CYREN: variants seen among roughly 807,000 people sequenced by gnomAD.
CYREN encodes the protein cell cycle regulator of NHEJ.
A neutral mutation model predicts 9.7 loss-of-function variants in CYREN; 7 were observed. That is an observed-to-expected ratio of 0.72 (90% CI 0.41 to 1.36). The LOEUF is 1.36. CYREN is among the 40% of genes most tolerant of loss of function. The pLI is 0.01. For synonymous variants in CYREN, 76 were observed against 77.9 expected, an observed-to-expected ratio of 0.98 and a Z score of 0.13; for missense variants, 215 against 198.1, an observed-to-expected ratio of 1.09 and a Z score of -0.51.
chr7:135,145,886 A>G (rs1829536978), intron 2 of CYREN, among the ~76,000 whole-genome samples: 1 of 152,178 alleles, frequency 6.6e-6, no homozygotes, highest in South Asian at 2.1e-4. Context: ...TAGCCTATTT[A>G]GTGTGTGATA....
At chr7:135,146,460 A>G (rs1829549767) in intron 2 of CYREN, among the ~76,000 whole-genome samples, 1 of 152,238 alleles carries the variant, frequency 6.6e-6, no homozygotes, top group South Asian at 2.1e-4. Context: ...AAATGGTGCC[A>G]ATAGACTTGC....
intron 2 of CYREN, chr7:135,135,365 C>T: frequency 2.8e-6 from 3 of 1,063,270 alleles, no homozygotes; most frequent in Non-Finnish European, 3.8e-6. Flanking sequence ...CCCTATCTCT[C>T]CCCTTACACA....
intron 2 of CYREN, among the ~76,000 whole-genome samples, chr7:135,148,770 A>G (rs189272832): frequency 5.3e-5 from 8 of 152,348 alleles, no homozygotes; most frequent in African/African-American, 1.9e-4. Context: ...TCTTGCCTCA[A>G]AGAATGGGAC....
exon 3 of CYREN, chr7:135,092,712 CA>C (rs1180847978): frequency 6.6e-6 from 1 of 151,982 alleles, no homozygotes; most frequent in Admixed American, 6.6e-5. Context: ...GTTAAGATTT[CA>C]GGGGCCAAAT....
intron 2 of CYREN, among the ~76,000 whole-genome samples, chr7:135,113,821 C>T (rs150741098): frequency 6.6e-6 from 1 of 152,194 alleles, no homozygotes; most frequent in African/African-American, 2.4e-5. Context: ...CTCCCTCCCC[C>T]CAGCACCTGG....
chr7:135,147,596 G>A (rs1308159305), intron 2 of CYREN, among the ~76,000 whole-genome samples: 1 of 152,192 alleles, frequency 6.6e-6, no homozygotes, highest in Admixed American at 6.5e-5. Context: ...ACTGCAGTGA[G>A]AATGCTCAGG....
chr7:135,169,334 G>A lies in CYREN; in HGVS notation c.-138-274C>T, dbSNP rs757333263. 8.5e-4 allele frequency: 132 copies of A among 155,342 alleles called. 1 individual carries two copies. Among genetic ancestry groups the A allele is most frequent in the Non-Finnish European group, 1.6e-3 (113 of 70,056 alleles). 9.6% of individuals were successfully genotyped at this position (155,342 alleles called of 1,614,324 possible). On this transcript the variant is annotated intron_variant, in intron 1 of 3. Coordinates refer to ENST00000393114, the MANE Select transcript of CYREN (RefSeq NM_024033.4). ...CTGACTCAGCACAGGAGGAACGGAA[G>A]GAGGCGGAGGCCCCTAATGTTCCTT...
chr7:135,110,905 G>A (rs919196304), intron 2 of CYREN, among the ~76,000 whole-genome samples: 1 of 152,104 alleles, frequency 6.6e-6, no homozygotes, highest in African/African-American at 2.4e-5. Flanking sequence ...CCCTATCTTA[G>A]ATTACAGAGC....
At chr7:135,133,914 A>G (rs371120010) in intron 2 of CYREN, among the ~76,000 whole-genome samples, 1 of 152,168 alleles carries the variant, frequency 6.6e-6, no homozygotes, top group South Asian at 2.1e-4. Context: ...CTGCTGATGC[A>G]CAAAACAACA....
At chr7:135,093,530 T>C (rs978140691) in exon 3 of CYREN, 3 of 151,948 alleles carry the variant, frequency 2.0e-5, no homozygotes, top group Admixed American at 2.0e-4. Flanking sequence ...AAGAACAAAA[T>C]ACTTAGGAAT....
At chr7:135,106,923 C>A (rs1824815873) in intron 2 of CYREN, among the ~76,000 whole-genome samples, 1 of 152,122 alleles carries the variant, frequency 6.6e-6, no homozygotes. Flanking sequence ...GAATCGATTT[C>A]TTCCTGGTTC....
intron 2 of CYREN, chr7:135,168,541 T>C (rs1048167609): frequency 5.7e-6 from 3 of 523,764 alleles, no homozygotes; most frequent in Middle Eastern, 4.9e-4. Flanking sequence ...GAGAACCCAC[T>C]CTGTGTGTGC....
chr7:135,096,623 A>AGATAGATAGATG (rs1563260394), intron 2 of CYREN, among the ~76,000 whole-genome samples: 2 of 149,726 alleles, frequency 1.3e-5, no homozygotes, highest in African/African-American at 4.9e-5. Context: ...ATAGATAGAT[A>AGATAGATAGATG]GGGCTATTCT....
chr7:135,108,335 G>T (rs996525269), intron 2 of CYREN, among the ~76,000 whole-genome samples: 6 of 151,616 alleles, frequency 4.0e-5, no homozygotes, highest in African/African-American at 1.5e-4. Flanking sequence ...TAAGTGTTTT[G>T]GCTGGTATTG....
At chr7:135,130,430 T>C (rs1828570029) in intron 2 of CYREN, among the ~76,000 whole-genome samples, 1 of 152,152 alleles carries the variant, frequency 6.6e-6, no homozygotes, top group Non-Finnish European at 1.5e-5. Context: ...TCTATTCAAC[T>C]TTCCTGGGTG....
rs143331827 is a variant in CYREN, at chr7:135,166,576, G to A, written c.*35C>T. The A allele has an allele frequency of 8.6e-3, 13,267 of 1,535,734 alleles. 93 individuals are homozygous for A. Among genetic ancestry groups the A allele is most frequent in the Non-Finnish European group, 9.1e-3 (10,400 of 1,143,168 alleles). ...GTGGAAGCTCAGCTGTCCTCCAGCT[G>A]CTCTCGGCAGACAGTTCAGTGCACA... On this transcript the variant is annotated 3_prime_UTR_variant, in exon 4 of 4. Transcript: ENST00000393114.
chr7:135,165,822 T>A lies in CYREN; in HGVS notation c.*789A>T, dbSNP rs1414983262. 1 of 167,262 alleles carries A rather than the reference T, an allele frequency of 6.0e-6. No homozygotes were observed. Among genetic ancestry groups the A allele is most frequent in the African/African-American group, 2.4e-5 (1 of 41,582 alleles). The allele number at this position is 167,262 out of a possible 1,614,324, so 10.4% of individuals were successfully genotyped here. On this transcript the variant is annotated 3_prime_UTR_variant, in exon 4 of 4. Coordinates refer to ENST00000393114, the MANE Select transcript of CYREN (RefSeq NM_024033.4). ...GTGTGTATTTTCTAGCACTTGTGTA[T>A]TGGAAAACCTGTATGGCAGTGATTT...
chr7:135,135,202 C>A (rs1284482120), intron 2 of CYREN: 5 of 1,546,752 alleles, frequency 3.2e-6, no homozygotes. Flanking sequence ...TAAGGATGAG[C>A]AGGCCAATAA....
rs113968659 is a variant in CYREN at position 135,097,658 on chromosome 7, A to T, written n.357-3076T>A. The stretch of plus-strand genomic sequence containing the variant: ...GTGACATTGAGGCTTTTATAATAAA[A>T]GTTTGGGGTCACTTTTTAATTTCCT... On this transcript the variant is annotated intron_variant and non_coding_transcript_variant, in intron 2 of 2. Coordinates refer to the CYREN transcript ENST00000459937. Among the ~76,000 whole-genome samples the T allele has an allele frequency of 9.9e-3, 1,503 of 152,250 alleles. 20 individuals carry two copies. The highest frequency in any genetic ancestry group is 0.034 in the African/African-American group (1,418 of 41,582).
Sources: gnomAD v4.1 joint callset for allele counts (sites outside exome capture counted in the v4.1 genomes callset) on GRCh38, gnomAD v4.1.1 for gene constraint, MANE v1.5 for transcripts, NCBI Gene and HGNC (gene_info 2026-07-23, HGNC 2026-07-21) for gene names.